Variants in HARS1 observed in about 807,000 individuals in gnomAD.
HARS1 encodes the protein histidine--tRNA ligase, cytoplasmic.
A neutral mutation model predicts 63.6 loss-of-function variants in HARS1; 45 were observed. That is an observed-to-expected ratio of 0.71 (90% CI 0.56 to 0.91). The LOEUF (loss-of-function observed/expected upper bound fraction) is 0.91, where lower values mean the gene tolerates loss of function less well. Ranked by LOEUF, HARS1 falls within the 40% of genes least tolerant of loss-of-function variation. HARS1 has a pLI of 0.00. For synonymous variants in HARS1, 205 were observed against 247.1 expected (o/e 0.83, Z 1.60); for missense variants, 508 against 643.2 (o/e 0.79, Z 2.27).
In HARS1 at chr5:140,679,209, A is replaced by AG; in HGVS notation, c.397-83_397-82insC. The AG allele has an allele frequency of 1.4e-6, 2 of 1,403,114 alleles. No homozygotes were observed. Among genetic ancestry groups the AG allele is most frequent in the Non-Finnish European group, 2.0e-6 (2 of 1,001,028 alleles). 86.9% of individuals were successfully genotyped at this position (1,403,114 alleles called of 1,614,324 possible). On this transcript the variant is annotated intron_variant, in intron 4 of 12. Transcript: ENST00000504156. The surrounding 1 kb of genome is among the most constrained non-coding windows in gnomAD (Gnocchi z 4.3). ...TCATCACCAACAGAAGCTGGGGTCT[A>AG]ACCCCTCCCTATGTGGGTAAAACTG... is the stretch of plus-strand genomic sequence containing the variant.
intron 3 of HARS1, among the ~76,000 whole-genome samples, chr5:140,682,029 A>G (rs1025050960): frequency 1.3e-5 from 2 of 152,234 alleles, no homozygotes; most frequent in African/African-American, 2.4e-5. Context: ...GCTACTTTAA[A>G]GAAGGTAGTT....
rs971012132 is a variant in HARS1 at position 140,674,717 on chromosome 5, C to T, written c.1420G>A (p.Gly474Arg). 2.1e-5 allele frequency: 34 copies of T among 1,614,232 alleles called. No homozygotes were observed. Among genetic ancestry groups the T allele is most frequent in the Non-Finnish European group, 2.8e-5 (33 of 1,180,038 alleles). ...AIIGEQELKD[G>R]VIKLRSVTSR... ...GTCACTGAACGGAGCTTGATGACCCCATCCTTGAGTTCCTGCTCGCCGATG... is the reference window on the plus strand; with the variant it reads ...GTCACTGAACGGAGCTTGATGACCCTATCCTTGAGTTCCTGCTCGCCGATG... The change falls in exon 12 of 13, where the codon GGG becomes AGG. Residue 474 changes from glycine (G) to arginine (R), a missense_variant. This residue lies in a region of HARS1 where 403 missense variants were observed against 548.7 expected (regional missense o/e 0.73). Transcript: ENST00000504156.
At position 140,674,344 on chromosome 5, in the gene HARS1, G is replaced by A. The variant is rs1407995308; in HGVS notation, c.1459-16C>T. 1.9e-6 allele frequency: 3 copies of A among 1,569,050 alleles called. No homozygotes were observed. Among genetic ancestry groups the A allele is most frequent in the Non-Finnish European group, 2.6e-6 (3 of 1,138,824 alleles). On this transcript the variant is annotated splice_polypyrimidine_tract_variant and intron_variant, in intron 12 of 12. Transcript: ENST00000504156. ...GGACATCCACCTGGCCAGGATGGGAGAAGAAGGTGGTATAAGCATCTTCCA... is the reference window on the plus strand; with the variant it reads ...GGACATCCACCTGGCCAGGATGGGAAAAGAAGGTGGTATAAGCATCTTCCA...
Position 140,673,976 on chromosome 5 carries a change from G to A in HARS1, c.*281C>T, listed in dbSNP as rs77576083. 1,109 of 577,550 alleles carry A rather than the reference G, an allele frequency of 1.9e-3. 12 individuals are homozygous for A. Among genetic ancestry groups the A allele is most frequent in the African/African-American group, 0.018 (971 of 53,468 alleles). 35.8% of individuals were successfully genotyped at this position (577,550 alleles called of 1,614,324 possible). A position where few individuals can be genotyped will look rare whatever the true frequency, so the allele number is the denominator to read the frequency against. Reference sequence around the variant, plus strand: ...GAGGCATCTGCTCCAACTGGTGCGGGGCCCTGCAGATGGGACCATCTCAGG... The same window carrying A: ...GAGGCATCTGCTCCAACTGGTGCGGAGCCCTGCAGATGGGACCATCTCAGG... On this transcript the variant is annotated 3_prime_UTR_variant, in exon 13 of 13. Coordinates refer to ENST00000504156, the MANE Select transcript of HARS1 (RefSeq NM_002109.6).
Position 140,674,801 on chromosome 5 carries a change from G to T in HARS1, c.1336C>A (p.Pro446Thr), listed in dbSNP as rs565372083. ...IKAELLYKKN[P>T]KLLNQLQYCE... ...TACTGTAACTGGTTCAGTAGCTTTG[G>T]GTTCTTCTTGTACAGCAGCTCAGCC... Residue 446 changes from proline (P) to threonine (T), a missense_variant, in exon 12 of 13, where the codon CCA becomes ACA. Pro to Thr is a conservative substitution (Grantham distance 38). This residue lies in a region of HARS1 where 403 missense variants were observed against 548.7 expected (regional missense o/e 0.73). Transcript: ENST00000504156. The T allele has an allele frequency of 6.2e-7, 1 of 1,614,150 alleles. No individual in the cohort carries two copies. The highest frequency in any genetic ancestry group is 1.1e-5 in the South Asian group (1 of 91,074).
intron 10 of HARS1, chr5:140,675,914 A>G (rs1758337168): frequency 6.6e-6 from 1 of 152,230 alleles, no homozygotes; most frequent in South Asian, 2.1e-4. Context: ...TTTCCACCCT[A>G]GAGAAAAGGC....
At chr5:140,690,685 C>T (rs1369810177) in intron 2 of HARS1, among the ~76,000 whole-genome samples, 170 bp downstream of exon 2, 3 of 152,180 alleles carry the variant, frequency 2.0e-5, no homozygotes, top group African/African-American at 7.2e-5. Context: ...ACTTTGCCAT[C>T]CCAGAATGAC....
intron 2 of HARS1, among the ~76,000 whole-genome samples, chr5:140,690,056 C>T (rs969296662): frequency 2.4e-4 from 36 of 152,196 alleles, no homozygotes; most frequent in African/African-American, 8.4e-4. Context: ...GTTAGTATAT[C>T]ACTTCCTCAG....
At position 140,674,754 on chromosome 5, in the gene HARS1, T is replaced by A; in HGVS notation, c.1383A>T (p.Pro461=). 6.2e-7 allele frequency: 1 copy of A among 1,614,188 alleles called. No individual in the cohort carries two copies. The change falls in exon 12 of 13, where the codon CCA becomes CCT. Residue 461 remains proline, a synonymous_variant. Coordinates refer to ENST00000504156, the MANE Select transcript of HARS1 (RefSeq NM_002109.6). ...CCTGCTCGCCGATGATAGCCACCAG[T>A]GGGATGCCTGCCTCCTCACAGTACT... is the stretch of plus-strand genomic sequence containing the variant. ...QLQYCEEAGI[P]LVAIIGEQEL...
At position 140,677,528 on chromosome 5, in the gene HARS1, T is replaced by G. The variant is rs1406969023; in HGVS notation, c.730-108A>C. Reference sequence around the variant, plus strand: ...TTAGAGCAGTAGCTGCCCATGAGCCTACATCCTGGGGCTAACCTTCCTCTG... The same window carrying G: ...TTAGAGCAGTAGCTGCCCATGAGCCGACATCCTGGGGCTAACCTTCCTCTG... On this transcript the variant is annotated intron_variant, in intron 7 of 12. Coordinates refer to ENST00000504156, the MANE Select transcript of HARS1 (RefSeq NM_002109.6). The G allele has an allele frequency of 1.5e-5, 16 of 1,068,624 alleles. No individual in the cohort carries two copies. In the Admixed American group the frequency reaches 2.7e-4, roughly 18 times the overall value. The allele number at this position is 1,068,624 out of a possible 1,614,324, so 66.2% of individuals were successfully genotyped here.
chr5:140,691,131 ATC>A (rs1293030483), intron 1 of HARS1, 82 bp downstream of exon 1: 18 of 1,127,124 alleles, frequency 1.6e-5, no homozygotes, highest in Non-Finnish European at 1.9e-5. Flanking sequence ...CTTCCCTCAC[ATC>A]TCTACCCTAT....
At chr5:140,690,999 C>G (rs911161899) in intron 1 of HARS1, 55 bp from the exon 2 acceptor site, 1 of 1,087,008 alleles carries the variant, frequency 9.2e-7, no homozygotes, top group African/African-American at 1.5e-5. Context: ...CTCCCTCCCC[C>G]GCCATTCATT....
At chr5:140,675,191 C>T (rs552835493) in intron 10 of HARS1, 58 bp from the exon 11 acceptor site, 2 of 1,125,778 alleles carry the variant, frequency 1.8e-6, no homozygotes, top group African/African-American at 1.5e-5. Context: ...GCAAACAAAG[C>T]AGGCTCTAGT....
At chr5:140,688,328 C>G (rs775883502) in intron 2 of HARS1, among the ~76,000 whole-genome samples, 1 of 152,134 alleles carries the variant, frequency 6.6e-6, no homozygotes, top group Non-Finnish European at 1.5e-5. Context: ...CACCATTTAT[C>G]CATTACCCAG....
rs1758580860 is a variant in HARS1 at position 140,679,337 on chromosome 5, T to C, written c.397-210A>G. 5.8e-6 allele frequency: 3 copies of C among 519,102 alleles called. No homozygotes were observed. The highest frequency in any genetic ancestry group is 3.9e-5 in the African/African-American group (2 of 51,124). 32.2% of individuals were successfully genotyped at this position (519,102 alleles called of 1,614,324 possible). A position where few individuals can be genotyped will look rare whatever the true frequency, so the allele number is the denominator to read the frequency against. On this transcript the variant is annotated intron_variant, in intron 4 of 12. Transcript: ENST00000504156. This position sits in a 1 kb window ranked among gnomAD's most constrained non-coding sequence, Gnocchi z 4.3. ...AAAAAGATTAAGGCACCTTTCCCTT[T>C]TGTAGTGTTGACTGGACTTTTTTGA...
intron 7 of HARS1, 75 bp from the exon 8 acceptor site, chr5:140,677,495 G>T: frequency 7.9e-7 from 1 of 1,272,266 alleles, no homozygotes; most frequent in Non-Finnish European, 1.2e-6. Context: ...TGTCCTCGGG[G>T]AACCGTTTTA....
chr5:140,687,588 T>C (rs533562399), intron 2 of HARS1: 1 of 152,112 alleles, frequency 6.6e-6, no homozygotes, highest in Admixed American at 6.6e-5. Flanking sequence ...ATTTTATCAA[T>C]GACATAGTTA....
chr5:140,689,007 G>C (rs1357576880), intron 2 of HARS1, among the ~76,000 whole-genome samples: 1 of 152,220 alleles, frequency 6.6e-6, no homozygotes, highest in Non-Finnish European at 1.5e-5. Context: ...AGTGAGGACA[G>C]ACTGATCCAT....
intron 5 of HARS1, chr5:140,678,219 C>T: frequency 3.4e-6 from 2 of 582,742 alleles, no homozygotes; most frequent in South Asian, 2.1e-5. Context: ...TGGGCTATTC[C>T]TTCATTTTCT....
Sources: gnomAD v4.1 joint callset for allele counts (sites outside exome capture counted in the v4.1 genomes callset) on GRCh38, gnomAD v4.1.1 for gene constraint, gnomAD v4.1.1 regional missense constraint, Gnocchi (gnomAD v3.1) non-coding constraint, MANE v1.5 for transcripts, NCBI Gene and HGNC (gene_info 2026-07-23, HGNC 2026-07-21) for gene names.